The following TENM2 variants were observed in gnomAD, a reference collection of about 807,000 sequenced individuals.
TENM2 encodes the protein teneurin-2.
In TENM2, 52 loss-of-function variants were observed where a neutral mutation model predicts 245.2. That is an observed-to-expected ratio of 0.21 (90% CI 0.17 to 0.27). The LOEUF (loss-of-function observed/expected upper bound fraction) is 0.27. TENM2 is among the 10% of genes least tolerant of loss of function. TENM2 has a pLI of 1.00. For missense variants in TENM2, 3,046 were observed against 3,666.8 expected (o/e 0.83, Z 4.37); for synonymous variants, 1,363 against 1,438.9 (o/e 0.95, Z 1.19).
chr5:167,557,893 G>T (rs1356297834), intron 2 of TENM2, among the ~76,000 whole-genome samples: 3 of 152,182 alleles, frequency 2.0e-5, no homozygotes, highest in African/African-American at 7.2e-5. Context: ...AGTAGGAAAT[G>T]TTTACATTAT....
intron 2 of TENM2, among the ~76,000 whole-genome samples, chr5:167,555,500 C>T (rs1374840544): frequency 6.6e-6 from 1 of 152,194 alleles, no homozygotes; most frequent in Non-Finnish European, 1.5e-5. Flanking sequence ...CTTCTCCTCA[C>T]TGTACGGCTT....
rs1391591909 is a variant in TENM2 at position 167,782,967 on chromosome 5, C to T, written c.503-93019C>T. 2.0e-5 allele frequency among the ~76,000 whole-genome samples: 3 copies of T among 152,180 alleles called. No homozygotes were observed. In the East Asian group the frequency reaches 5.8e-4, roughly 29 times the overall value. On this transcript the variant is annotated intron_variant, in intron 2 of 28. Coordinates refer to ENST00000518659, the Ensembl canonical transcript of TENM2. ...CCAATCTAGAAGCAGTGGCTTTCCT[C>T]AGCCTTATTTCTAATAATCAGGTGC...
At chr5:167,305,912 G>C (rs1411128434) in intron 1 of TENM2, among the ~76,000 whole-genome samples, 1 of 152,192 alleles carries the variant, frequency 6.6e-6, no homozygotes, top group Non-Finnish European at 1.5e-5. Flanking sequence ...ATGATCAGCA[G>C]AGCTAAGGGG....
At chr5:167,507,389 T>G (rs576187774) in intron 2 of TENM2, among the ~76,000 whole-genome samples, 1 of 152,324 alleles carries the variant, frequency 6.6e-6, no homozygotes, top group East Asian at 1.9e-4. Context: ...GCTGAAGTAT[T>G]TAATGAAGTA....
chr5:168,161,839 C>CACACACAT (rs1757772978), intron 12 of TENM2, among the ~76,000 whole-genome samples: 2 of 151,872 alleles, frequency 1.3e-5, no homozygotes, highest in East Asian at 1.9e-4. Context: ...CACACACACA[C>CACACACAT]ACACATCAAT....
At chr5:167,595,410 T>A (rs1776136970) in intron 2 of TENM2, among the ~76,000 whole-genome samples, 1 of 152,204 alleles carries the variant, frequency 6.6e-6, no homozygotes, top group Non-Finnish European at 1.5e-5. Flanking sequence ...ATTGGGATGA[T>A]GGAGGAGATG....
rs541146560 is a variant in TENM2, at chr5:167,754,249, C to T, written c.503-121737C>T. Among the ~76,000 whole-genome samples, 26 of 152,024 alleles carry T rather than the reference C, an allele frequency of 1.7e-4. 1 individual carries two copies. The South Asian group carries it at 4.4e-3, about 25-fold the overall frequency. On this transcript the variant is annotated intron_variant, in intron 2 of 28. Coordinates refer to ENST00000518659, the Ensembl canonical transcript of TENM2. ...TTGGCCCTTTGCACGTTAGGAAACA[C>T]AATAAAAGAGGTAAAGTGCTTTCCA...
At chr5:167,132,067 T>C in the TENM2 span, among the ~76,000 whole-genome samples, 1 of 152,134 alleles carries the variant, frequency 6.6e-6, no homozygotes, top group Non-Finnish European at 1.5e-5. Context: ...GTGATCCACC[T>C]GCCTCAGCCT....
chr5:167,697,863 T>C (rs1457037657), intron 2 of TENM2, among the ~76,000 whole-genome samples: 1 of 152,154 alleles, frequency 6.6e-6, no homozygotes, highest in African/African-American at 2.4e-5. Context: ...TATTTCATAA[T>C]CTTGTGGACC....
chr5:167,996,553 A>C (rs1428932379), intron 5 of TENM2, among the ~76,000 whole-genome samples: 1 of 152,196 alleles, frequency 6.6e-6, no homozygotes, highest in Admixed American at 6.5e-5. Flanking sequence ...CATTACCTGC[A>C]CCACCAGAAG....
At chr5:167,151,806 C>T in the TENM2 span, among the ~76,000 whole-genome samples, 140 of 152,298 alleles carry the variant, frequency 9.2e-4, no homozygotes, top group Middle Eastern at 6.8e-3. Context: ...CGTGAGCCAC[C>T]GCGCCTGGCC....
chr5:168,084,393 C>G (rs1483773807), intron 7 of TENM2, among the ~76,000 whole-genome samples: 1 of 152,220 alleles, frequency 6.6e-6, no homozygotes. Flanking sequence ...TAAGTGTTCA[C>G]TTTTCTTCAC....
intron 8 of TENM2, 33 bp from the exon 11 acceptor site, chr5:168,097,992 GA>G: frequency 6.5e-7 from 1 of 1,529,418 alleles, no homozygotes; most frequent in Non-Finnish European, 9.0e-7. Context: ...GTAGACAGAG[GA>G]AAAGGTAAAC....
intron 2 of TENM2, among the ~76,000 whole-genome samples, chr5:167,709,375 G>A (rs747861851): frequency 3.9e-4 from 59 of 152,232 alleles, no homozygotes; most frequent in Middle Eastern, 6.8e-3. Flanking sequence ...TTCATTTCAT[G>A]TAATCCCTCC....
At chr5:167,979,112 T>G (rs1330734247) in intron 4 of TENM2, among the ~76,000 whole-genome samples, 1 of 152,132 alleles carries the variant, frequency 6.6e-6, no homozygotes. Flanking sequence ...CCATTCAACA[T>G]CAGGGTAAAT....
In TENM2 at chr5:167,702,113, T is replaced by C. The variant is rs556123014; in HGVS notation, c.503-173873T>C. ...GATCTGGAAAAGGATTATTGACATC[T>C]TTTTATACAGAAGAGGAAACACTCT... On this transcript the variant is annotated intron_variant, in intron 2 of 28. Coordinates refer to ENST00000518659, the Ensembl canonical transcript of TENM2. Among the ~76,000 whole-genome samples, 5 of 152,318 alleles carry C rather than the reference T, an allele frequency of 3.3e-5. No individual in the cohort carries two copies. In the East Asian group the frequency reaches 9.7e-4, roughly 29 times the overall value.
chr5:167,886,979 T>C (rs904175465), intron 3 of TENM2, among the ~76,000 whole-genome samples: 1 of 152,158 alleles, frequency 6.6e-6, no homozygotes, highest in Non-Finnish European at 1.5e-5. Flanking sequence ...TGTGGAGTTG[T>C]TGGGGCTTTA....
intron 23 of TENM2, among the ~76,000 whole-genome samples, chr5:168,221,874 A>T (rs1763700556): frequency 6.6e-6 from 1 of 152,210 alleles, no homozygotes. Context: ...CCACATGCTT[A>T]CTGATTGACG....
chr5:168,165,515 C>T (rs4311439), intron 13 of TENM2, among the ~76,000 whole-genome samples: 61,689 of 151,252 alleles, frequency 0.41, 14,448 homozygotes, highest in African/African-American at 0.63. Flanking sequence ...CCTCCCTCCC[C>T]ACCAGCCCTA....
Sources: allele counts gnomAD v4.1 joint callset (sites outside exome capture counted in the v4.1 genomes callset), GRCh38; gene constraint gnomAD v4.1.1; transcripts MANE v1.5; gene names NCBI Gene and HGNC (gene_info 2026-07-23, HGNC 2026-07-21).